The following RPL23 variants were observed in gnomAD, a reference collection of about 807,000 sequenced individuals.
RPL23 encodes the protein ribosomal protein L23.
For synonymous variants in RPL23, 63 were observed against 65.3 expected, an observed-to-expected ratio of 0.97 and a Z score of 0.17; for missense variants, 79 against 178.8, an observed-to-expected ratio of 0.44 and a Z score of 3.18.
In RPL23 at chr17:38,850,050, G is replaced by T; in HGVS notation, c.*82C>A. 9.5e-7 allele frequency: 1 copy of T among 1,048,006 alleles called. No individual in the cohort carries two copies. Among genetic ancestry groups the T allele is most frequent in the South Asian group, 1.6e-5 (1 of 63,922 alleles). 64.9% of individuals were successfully genotyped at this position (1,048,006 alleles called of 1,614,324 possible). On this transcript the variant is annotated 3_prime_UTR_variant, in exon 5 of 5. Coordinates refer to ENST00000479035, the MANE Select transcript of RPL23 (RefSeq NM_000978.4). The stretch of plus-strand genomic sequence containing the variant: ...GGAGAATCGCTTGAACCCTGGAAGT[G>T]AACAGGGAGACAAGCACTGCAAACA...
intron 4 of RPL23, 41 bp from the exon 5 acceptor site, chr17:38,850,255 G>C (rs1345364723): frequency 1.3e-6 from 2 of 1,555,210 alleles, no homozygotes; most frequent in Non-Finnish European, 1.8e-6. Flanking sequence ...AAAAACATGT[G>C]GGGGACAGAT....
In RPL23 at chr17:38,853,003, C is replaced by T; in HGVS notation, c.97+19G>A. ...AGTGCTTTTAAAAGGGGGAGTATAG[C>T]AACGTGCAAAGACCTCACCTGTGTT... On this transcript the variant is annotated intron_variant, in intron 2 of 4. Transcript: ENST00000479035. The T allele has an allele frequency of 6.2e-7, 1 of 1,610,400 alleles. No homozygotes were observed. The highest frequency in any genetic ancestry group is 2.2e-5 in the East Asian group (1 of 44,884).
chr17:38,853,520 C>T, intron 1 of RPL23, 178 bp downstream of exon 1: 1 of 765,178 alleles, frequency 1.3e-6, no homozygotes, highest in Non-Finnish European at 2.3e-6. Flanking sequence ...CATCTCAACT[C>T]TCCAGCACCC....
intron 3 of RPL23, 44 bp downstream of exon 3, chr17:38,852,560 C>T (rs374298113): frequency 3.5e-5 from 56 of 1,608,092 alleles, no homozygotes; most frequent in Non-Finnish European, 4.3e-5. Context: ...GAAAGCGTCC[C>T]CCCACTACTC....
chr17:38,850,617 A>C (rs1598092769), intron 3 of RPL23, 142 bp from the exon 4 acceptor site: 2 of 623,290 alleles, frequency 3.2e-6, no homozygotes, highest in Non-Finnish European at 2.9e-6. Flanking sequence ...TGATCCTCCC[A>C]CCTCAGCCTC....
chr17:38,852,404 A>C (rs771734958), intron 3 of RPL23, 200 bp downstream of exon 3: 20 of 611,300 alleles, frequency 3.3e-5, no homozygotes, highest in Non-Finnish European at 5.2e-5. Context: ...AAACAACAAC[A>C]AAAAAACAAC....
chr17:38,853,372 A>G (rs1913061953), intron 1 of RPL23: 1 of 701,652 alleles, frequency 1.4e-6, no homozygotes, highest in East Asian at 2.7e-5. Context: ...CGCAAAACGC[A>G]ATTACTCCTG....
chr17:38,850,259 G>T, intron 4 of RPL23, 45 bp from the exon 5 acceptor site: 4 of 1,544,876 alleles, frequency 2.6e-6, no homozygotes, highest in Non-Finnish European at 3.5e-6. Context: ...ACATGTGGGG[G>T]ACAGATTAAG....
At position 38,849,922 on chromosome 17, in the gene RPL23, C is replaced by T. The variant is rs892482191; in HGVS notation, c.*210G>A. The T allele has an allele frequency of 2.8e-5, 13 of 464,198 alleles. No homozygotes were observed. The highest frequency in any genetic ancestry group is 4.2e-5 in the Non-Finnish European group (11 of 262,784). 28.8% of individuals were successfully genotyped at this position (464,198 alleles called of 1,614,324 possible). ...ATCACTTGAGATCAGGAGTTTGAGT[C>T]GTTTGGCAAACATGGTGAAACCCTG... On this transcript the variant is annotated 3_prime_UTR_variant, in exon 5 of 5. Coordinates refer to ENST00000479035, the MANE Select transcript of RPL23 (RefSeq NM_000978.4).
rs367956826 is a variant in RPL23, at chr17:38,853,084, G to C, written c.35C>G (p.Ala12Gly). The C allele has an allele frequency of 1.9e-6, 3 of 1,613,972 alleles. 1 individual carries two copies. In the South Asian group the frequency reaches 3.3e-5, roughly 18 times the overall value. ...SKRGRGGSSG[A>G]KFRISLGLPV... ...AAGACCCAAGGAAATCCGGAATTTC[G>C]CACCAGAGGACCCACCACGTCCTGT... Residue 12 changes from alanine (A) to glycine (G), a missense_variant, in exon 2 of 5, where the codon GCG becomes GGG. By Grantham distance (60) the Ala-to-Gly change is moderately conservative. Coordinates refer to ENST00000479035, the MANE Select transcript of RPL23 (RefSeq NM_000978.4).
chr17:38,850,286 A>C (rs759352021), intron 4 of RPL23, 72 bp from the exon 5 acceptor site: 3 of 1,552,006 alleles, frequency 1.9e-6, no homozygotes, highest in Non-Finnish European at 2.7e-6. Context: ...TCAAACACAG[A>C]AGATCCTTGG....
At position 38,852,741 on chromosome 17, in the gene RPL23, G is replaced by GAATGTA; in HGVS notation, c.98-15_98-10dup. On this transcript the variant is annotated splice_polypyrimidine_tract_variant and intron_variant, in intron 2 of 4. Coordinates refer to ENST00000479035, the MANE Select transcript of RPL23 (RefSeq NM_000978.4). ...ATACAGGTTTTTGGCTCCTACAAAA[G>GAATGTA]AATGTAAATAAAAATAAAAAATGTT... The GAATGTA allele has an allele frequency of 6.2e-7, 1 of 1,613,958 alleles. No homozygotes were observed. The highest frequency in any genetic ancestry group is 8.5e-7 in the Non-Finnish European group (1 of 1,179,984).
chr17:38,848,839 G>A lies in RPL23; in HGVS notation c.*1293C>T, dbSNP rs1442981450. The A allele has an allele frequency of 6.6e-6, 1 of 152,048 alleles. No homozygotes were observed. The highest frequency in any genetic ancestry group is 1.5e-5 in the Non-Finnish European group (1 of 68,038). 9.4% of individuals were successfully genotyped at this position (152,048 alleles called of 1,614,324 possible). A position where few individuals can be genotyped will look rare whatever the true frequency, so the allele number is the denominator to read the frequency against. ...TACAGGTAGAAACATTTATGGCTGA[G>A]TATTTGCAGATACAGATACATAAAC... On this transcript the variant is annotated 3_prime_UTR_variant, in exon 5 of 5. Coordinates refer to ENST00000479035, the MANE Select transcript of RPL23 (RefSeq NM_000978.4).
chr17:38,851,422 G>C (rs1401640239), intron 3 of RPL23: 1 of 152,146 alleles, frequency 6.6e-6, no homozygotes, highest in East Asian at 1.9e-4. Context: ...TAAGTTCCAA[G>C]GGGAGGGGAT....
intron 1 of RPL23, chr17:38,853,420 C>T (rs928606083): frequency 2.1e-5 from 15 of 715,400 alleles, no homozygotes; most frequent in Non-Finnish European, 3.6e-5. Context: ...AAACCAGGGC[C>T]TAATCCAGTC....
At chr17:38,853,425 C>T (rs556452947) in intron 1 of RPL23, 1 of 715,972 alleles carries the variant, frequency 1.4e-6, no homozygotes, top group East Asian at 2.7e-5. Context: ...AGGGCCTAAT[C>T]CAGTCTAACT....
chr17:38,848,478 C>T lies in RPL23; in HGVS notation c.*1654G>A, dbSNP rs1390349255. On this transcript the variant is annotated 3_prime_UTR_variant, in exon 5 of 5. Coordinates refer to ENST00000479035, the MANE Select transcript of RPL23 (RefSeq NM_000978.4). Reference sequence around the variant, plus strand: ...ACTCTCCTGACCTCAGATGATCCACCCACCTCAGCCTCCCAAAGTGCTGGG... The same window carrying T: ...ACTCTCCTGACCTCAGATGATCCACTCACCTCAGCCTCCCAAAGTGCTGGG... The T allele has an allele frequency of 6.5e-6, 1 of 153,798 alleles. No homozygotes were observed. Among genetic ancestry groups the T allele is most frequent in the African/African-American group, 2.4e-5 (1 of 41,430 alleles). 9.5% of individuals were successfully genotyped at this position (153,798 alleles called of 1,614,324 possible). A position where few individuals can be genotyped will look rare whatever the true frequency, so the allele number is the denominator to read the frequency against.
Position 38,850,436 on chromosome 17 carries a change from C to T in RPL23, c.266G>A (p.Arg89His), listed in dbSNP as rs762581833. ...AVVIRQRKSY[R>H]RKDGVFLYFE... Reference sequence around the variant, plus strand: ...ATAAAGAAACACGCCATCTTTTCTACGGTATGACTTTCGTTGTCGAATGAC... The same window carrying T: ...ATAAAGAAACACGCCATCTTTTCTATGGTATGACTTTCGTTGTCGAATGAC... Residue 89 changes from arginine (R) to histidine (H), a missense_variant, in exon 4 of 5, where the codon CGT (arginine) becomes CAT (histidine). Coordinates refer to ENST00000479035, the MANE Select transcript of RPL23 (RefSeq NM_000978.4). The T allele has an allele frequency of 5.6e-6, 9 of 1,613,870 alleles. No homozygotes were observed. The highest frequency in any genetic ancestry group is 2.2e-5 in the South Asian group (2 of 91,062).
chr17:38,851,191 A>T (rs1387988984), intron 3 of RPL23: 1 of 152,236 alleles, frequency 6.6e-6, no homozygotes, highest in African/African-American at 2.4e-5. Context: ...CTGGATTCAC[A>T]ATCTTCACTG....
Sources: allele counts gnomAD v4.1 joint callset, GRCh38; gene constraint gnomAD v4.1.1; transcripts MANE v1.5; gene names NCBI Gene and HGNC (gene_info 2026-07-23, HGNC 2026-07-21).